Variants in SRGAP2C observed in about 807,000 individuals in gnomAD.
SRGAP2C encodes SLIT-ROBO Rho GTPase activating protein 2C, also known as SLIT-ROBO Rho GTPase-activating protein 2C.
Under a neutral mutation model 25.1 loss-of-function variants are expected in SRGAP2C, and 15 were observed. The ratio of observed to expected loss-of-function variants is 0.60; its 90% confidence interval spans 0.40 to 0.92. The LOEUF (loss-of-function observed/expected upper bound fraction) is 0.92. Among genes scored for constraint, SRGAP2C ranks in the 40% least tolerant of loss-of-function variants. The probability of loss-of-function intolerance (pLI) is 0.00; values close to 1 mark genes in which losing one functional copy is unlikely to be tolerated. For missense variants in SRGAP2C, 144 were observed against 264.4 expected (o/e 0.54, Z 3.16); for synonymous variants, 44 against 96.6 (o/e 0.46, Z 3.19).
chr1:121,354,279 TTTC>T (rs1658997309), intron 4 of SRGAP2C, among the ~76,000 whole-genome samples: 1 of 60,126 alleles, frequency 1.7e-5, no homozygotes, highest in African/African-American at 7.8e-5. Context: ...TCTTTCTTTC[TTTC>T]TTTCTTTCTT....
rs1553358348 is a variant in SRGAP2C, at chr1:121,392,430, G to A, written c.*4575G>A. 6.6e-6 allele frequency: 1 copy of A among 150,634 alleles called. No homozygotes were observed. The highest frequency in any genetic ancestry group is 1.5e-5 in the Non-Finnish European group (1 of 67,800). 9.3% of individuals were successfully genotyped at this position (150,634 alleles called of 1,614,324 possible). A position where few individuals can be genotyped will look rare whatever the true frequency, so the allele number is the denominator to read the frequency against. On this transcript the variant is annotated 3_prime_UTR_variant, in exon 10 of 10. Transcript: ENST00000367123. ...TTCTCAATTACTAAGAGATGTTTAAGTACCCTTAGCATGTTAGTAGATATG... is the reference window on the plus strand; with the variant it reads ...TTCTCAATTACTAAGAGATGTTTAAATACCCTTAGCATGTTAGTAGATATG...
chr1:121,221,729 A>AC (rs1655528277), intron 2 of SRGAP2C, among the ~76,000 whole-genome samples: 1 of 123,706 alleles, frequency 8.1e-6, no homozygotes, highest in Admixed American at 8.2e-5. Flanking sequence ...AAAAAAAAAA[A>AC]AAACATTGAC....
chr1:121,270,041 G>C (rs587749306), intron 2 of SRGAP2C, among the ~76,000 whole-genome samples: 1 of 147,764 alleles, frequency 6.8e-6, no homozygotes, highest in South Asian at 2.2e-4. Flanking sequence ...GCCATATGTA[G>C]CCACTTGTTC....
At chr1:121,255,377 T>G (rs1656434531) in intron 2 of SRGAP2C, among the ~76,000 whole-genome samples, 1 of 151,838 alleles carries the variant, frequency 6.6e-6, no homozygotes, top group South Asian at 2.1e-4. Context: ...GTCTTGGGAG[T>G]GTAGACGTTG....
chr1:121,254,829 C>T (rs1553332089), intron 2 of SRGAP2C, among the ~76,000 whole-genome samples: 1 of 151,580 alleles, frequency 6.6e-6, no homozygotes, highest in African/African-American at 2.4e-5. Flanking sequence ...GTGGTGTGTA[C>T]CAGACTGTAC....
chr1:121,195,719 T>G (rs1654816477), intron 2 of SRGAP2C, among the ~76,000 whole-genome samples: 1 of 150,032 alleles, frequency 6.7e-6, no homozygotes, highest in African/African-American at 2.5e-5. Context: ...CTTGACTGCT[T>G]ACCATTCTTT....
Position 121,285,424 on chromosome 1 carries a change from ACTCACACT to A in SRGAP2C, c.260+431_260+438del, listed in dbSNP as rs1225452212. The stretch of plus-strand genomic sequence containing the variant: ...CTCTCTCACACACACACACACACAC[ACTCACACT>A]CACACACCCCTAGTAAATAGTAGAG... On this transcript the variant is annotated intron_variant, in intron 3 of 9. Transcript: ENST00000367123. Among the ~76,000 whole-genome samples the A allele has an allele frequency of 0.015, 2,186 of 146,918 alleles. 79 individuals are homozygous for A. The East Asian group carries it at 0.18, about 12-fold the overall frequency.
At position 121,287,729 on chromosome 1, in the gene SRGAP2C, G is replaced by T. The variant is rs1334130355; in HGVS notation, c.260+2734G>T. Among the ~76,000 whole-genome samples, 314 of 152,290 alleles carry T rather than the reference G, an allele frequency of 2.1e-3. 9 individuals are homozygous for T. In the East Asian group the frequency reaches 0.055, roughly 26 times the overall value. The stretch of plus-strand genomic sequence containing the variant: ...GGTGAGTGTTACAGCTCTTAAGGTG[G>T]TGTGTCTGGAGTCTGTCCCTTCTGA... On this transcript the variant is annotated intron_variant, in intron 3 of 9. Coordinates refer to ENST00000367123, the MANE Select transcript of SRGAP2C (RefSeq NM_001329984.2).
At chr1:121,229,996 CT>C (rs1321661090) in intron 2 of SRGAP2C, among the ~76,000 whole-genome samples, 2 of 145,410 alleles carry the variant, frequency 1.4e-5, no homozygotes, top group African/African-American at 5.1e-5. Flanking sequence ...GATCTTTTGG[CT>C]TTGTAATATA....
chr1:121,239,229 CTATA>C (rs1273963988), intron 2 of SRGAP2C, among the ~76,000 whole-genome samples: 1 of 1,020 alleles, frequency 9.8e-4, no homozygotes, highest in African/African-American at 9.8e-3. Flanking sequence ...TATATATATA[CTATA>C]TATATATATA....
intron 2 of SRGAP2C, among the ~76,000 whole-genome samples, chr1:121,223,351 TTGTGTGTGTGTGTGTG>T (rs56123915): frequency 4.6e-5 from 3 of 64,828 alleles, no homozygotes; most frequent in African/African-American, 1.5e-4. Flanking sequence ...TGGGAGGAGT[TTGTGTGTGTGTGTGTG>T]TGTGTGTGTG....
intron 3 of SRGAP2C, among the ~76,000 whole-genome samples, chr1:121,295,955 T>C (rs1432627982): frequency 6.6e-6 from 1 of 152,072 alleles, no homozygotes; most frequent in African/African-American, 2.4e-5. Flanking sequence ...GAGACAGGGC[T>C]TCTCCATGTT....
At chr1:121,279,484 A>G (rs1341087579) in intron 2 of SRGAP2C, among the ~76,000 whole-genome samples, 24 of 150,942 alleles carry the variant, frequency 1.6e-4, no homozygotes, top group East Asian at 7.9e-4. Context: ...TGGAGTCTAC[A>G]TGATTGTCAG....
Position 121,264,732 on chromosome 1 carries a change from G to A in SRGAP2C, c.68-20071G>A, listed in dbSNP as rs587741665. Among the ~76,000 whole-genome samples the A allele has an allele frequency of 9.4e-3, 1,412 of 149,788 alleles. 27 individuals carry two copies. The highest frequency in any genetic ancestry group is 0.033 in the African/African-American group (1,330 of 40,744). On this transcript the variant is annotated intron_variant, in intron 2 of 9. Coordinates refer to ENST00000367123, the MANE Select transcript of SRGAP2C (RefSeq NM_001329984.2). The stretch of plus-strand genomic sequence containing the variant: ...AATTTCTGTATACTCCTACAGCATC[G>A]TCTTTTTCCCCGATAATGGGCTTTT...
At chr1:121,236,200 A>G (rs1570726963) in intron 2 of SRGAP2C, among the ~76,000 whole-genome samples, 1 of 151,646 alleles carries the variant, frequency 6.6e-6, no homozygotes, top group Non-Finnish European at 1.5e-5. Context: ...ACTTTTGTGA[A>G]CCTCCTTTCC....
chr1:121,238,130 TCTC>T (rs1553329037), intron 2 of SRGAP2C, among the ~76,000 whole-genome samples: 1 of 125,306 alleles, frequency 8.0e-6, no homozygotes, highest in Non-Finnish European at 1.7e-5. Context: ...CTCCCTGCCT[TCTC>T]CTGCCATTCT....
intron 2 of SRGAP2C, among the ~76,000 whole-genome samples, chr1:121,192,160 T>C (rs1299385697): frequency 6.6e-6 from 1 of 151,388 alleles, no homozygotes; most frequent in African/African-American, 2.4e-5. Flanking sequence ...GAGCAATTTT[T>C]CATTCATGCC....
intron 2 of SRGAP2C, among the ~76,000 whole-genome samples, chr1:121,263,212 T>C (rs1379817084): frequency 1.3e-5 from 2 of 150,686 alleles, no homozygotes; most frequent in Admixed American, 6.7e-5. Context: ...TAATCCTAGC[T>C]ACTCCAGAGG....
At chr1:121,372,966 C>T (rs1368024334) in intron 5 of SRGAP2C, among the ~76,000 whole-genome samples, 1 of 96,536 alleles carries the variant, frequency 1.0e-5, no homozygotes, top group African/African-American at 3.9e-5. Flanking sequence ...CTTATGGCAT[C>T]ACACTTTCAG....
Sources: allele counts gnomAD v4.1 joint callset (sites outside exome capture counted in the v4.1 genomes callset), GRCh38; gene constraint gnomAD v4.1.1; transcripts MANE v1.5; gene names NCBI Gene and HGNC (gene_info 2026-07-23, HGNC 2026-07-21).